The following POU2F2 variants were observed in gnomAD, a reference collection of about 807,000 sequenced individuals.
The protein encoded by POU2F2 is POU domain, class 2, transcription factor 2.
A neutral mutation model predicts 63.5 loss-of-function variants in POU2F2; 14 were observed. The ratio of observed to expected loss-of-function variants is 0.22; its 90% CI spans 0.15 to 0.34. The LOEUF (loss-of-function observed/expected upper bound fraction) is 0.34. Ranked by LOEUF, POU2F2 falls within the 10% of genes least tolerant of loss-of-function variation. The pLI is 1.00. For synonymous variants in POU2F2, 306 were observed against 348.6 expected (o/e 0.88, Z 1.36); for missense variants, 607 against 815.2 (o/e 0.74, Z 3.11).
chr19:42,190,293 G>GTA (rs1397177580), intron 1 of POU2F2, among the ~76,000 whole-genome samples: 1 of 151,778 alleles, frequency 6.6e-6, no homozygotes, highest in Non-Finnish European at 1.5e-5. Flanking sequence ...ATATATGTGT[G>GTA]TATATATATG....
At position 42,089,124 on chromosome 19, in the gene POU2F2, C is replaced by T. The variant is rs73932872; in HGVS notation, c.*2133G>A. On this transcript the variant is annotated 3_prime_UTR_variant, in exon 15 of 15. Transcript: ENST00000692977. ...GGGGCCACACTACGGCTGTCAGGCC[C>T]CACCCTGATTTCAATGGCTCGTGTC... 1 of 152,694 alleles carries T rather than the reference C, an allele frequency of 6.5e-6. No homozygotes were observed. The highest frequency in any genetic ancestry group is 1.9e-4 in the East Asian group (1 of 5,168). The allele number at this position is 152,694 out of a possible 1,614,324, so 9.5% of individuals were successfully genotyped here. A position where few individuals can be genotyped will look rare whatever the true frequency, so the allele number is the denominator to read the frequency against.
chr19:42,170,831 G>A (rs923162218), intron 1 of POU2F2, among the ~76,000 whole-genome samples: 50 of 152,232 alleles, frequency 3.3e-4, no homozygotes, highest in South Asian at 2.1e-4. Flanking sequence ...CCGCTGAGGC[G>A]AGAATGGCTG....
intron 5 of POU2F2, among the ~76,000 whole-genome samples, chr19:42,111,298 T>A (rs2031052955): frequency 6.6e-6 from 1 of 151,882 alleles, no homozygotes; most frequent in Admixed American, 6.6e-5. Context: ...TTTTTTTTTT[T>A]AAGATACAGG....
At chr19:42,182,974 G>C (rs1156539212) in intron 1 of POU2F2, among the ~76,000 whole-genome samples, 1 of 152,206 alleles carries the variant, frequency 6.6e-6, no homozygotes, top group Non-Finnish European at 1.5e-5. Context: ...GAAGGGCAGA[G>C]AAGTGAGGGC....
chr19:42,163,024 C>T (rs542979970), intron 1 of POU2F2, among the ~76,000 whole-genome samples: 4 of 152,122 alleles, frequency 2.6e-5, no homozygotes, highest in Admixed American at 6.5e-5. Context: ...AAAATGGAGG[C>T]TCAGACAGGT....
intron 1 of POU2F2, among the ~76,000 whole-genome samples, chr19:42,195,059 G>GAGGGAGGGAGGAAGGGAGGA (rs2035121468): frequency 7.8e-5 from 2 of 25,794 alleles, no homozygotes; most frequent in Admixed American, 3.5e-4. Flanking sequence ...GGAAGGGAGG[G>GAGGGAGGGAGGAAGGGAGGA]AGGGAGGGAG....
chr19:42,116,498 T>A (rs985422407), intron 5 of POU2F2, among the ~76,000 whole-genome samples: 19 of 152,050 alleles, frequency 1.2e-4, no homozygotes, highest in Non-Finnish European at 2.6e-4. Context: ...AGGATTATGA[T>A]GTGGGATATT....
chr19:42,196,962 A>G (rs2035156625), upstream of POU2F2, among the ~76,000 whole-genome samples: 1 of 152,208 alleles, frequency 6.6e-6, no homozygotes, highest in African/African-American at 2.4e-5. Context: ...GAACGGAAGC[A>G]GGGGCAGAGC....
chr19:42,137,340 A>AAAAT (rs899878788), upstream of POU2F2, among the ~76,000 whole-genome samples: 32 of 151,860 alleles, frequency 2.1e-4, no homozygotes, highest in Admixed American at 1.3e-3. Context: ...CTCAATCTCT[A>AAAAT]AAATAAATAA....
In POU2F2 at chr19:42,152,290, G is replaced by A. The variant is rs557669723; in HGVS notation, c.-9+8042C>T. On this transcript the variant is annotated intron_variant, in intron 2 of 6. Transcript: ENST00000524801. This position sits in a 1 kb window ranked among gnomAD's most constrained non-coding sequence, Gnocchi z 4.1. ...TGACTCTCGGGGAGAGGGCCGCAGC[G>A]AAGAAGAAGAGGGGGAGAATAAGGC... is the stretch of plus-strand genomic sequence containing the variant. Among the ~76,000 whole-genome samples, 9 of 152,180 alleles carry A rather than the reference G, an allele frequency of 5.9e-5. No individual in the cohort carries two copies. Among genetic ancestry groups the A allele is most frequent in the African/African-American group, 2.2e-4 (9 of 41,538 alleles).
chr19:42,196,890 T>C (rs865885607), upstream of POU2F2, among the ~76,000 whole-genome samples: 4 of 152,186 alleles, frequency 2.6e-5, no homozygotes, highest in African/African-American at 9.7e-5. Context: ...CAGAGGCACG[T>C]CTGGGGCTGA....
chr19:42,186,921 C>T (rs188151233), intron 1 of POU2F2, among the ~76,000 whole-genome samples: 1 of 152,210 alleles, frequency 6.6e-6, no homozygotes, highest in African/African-American at 2.4e-5. Flanking sequence ...CTTTCTTGAA[C>T]CTCTTATATC....
intron 13 of POU2F2, 56 bp from the exon 14 acceptor site, chr19:42,091,996 G>A: frequency 2.0e-6 from 3 of 1,537,912 alleles, no homozygotes; most frequent in Non-Finnish European, 1.8e-6. Flanking sequence ...AACATAACTG[G>A]GGTGCCGCTC....
chr19:42,145,000 C>G (rs558713295), intron 2 of POU2F2, among the ~76,000 whole-genome samples: 4 of 152,310 alleles, frequency 2.6e-5, no homozygotes, highest in Admixed American at 2.6e-4. Context: ...AGTTAAGTCC[C>G]AGCTGTGGGG....
chr19:42,091,484 G>A lies in POU2F2; in HGVS notation c.1648C>T (p.Pro550Ser). 1 of 1,550,152 alleles carries A rather than the reference G, an allele frequency of 6.5e-7. No individual in the cohort carries two copies. ...AGCCCAGCATGATTCAAGAAGAGCG[G>A]CGAGGTCACCAGGCCAGGGCTCCCC... ...APGSPGLVTS[P>S]LFLNHAGLPL... The change falls in exon 15 of 15, where the codon CCG becomes TCG. Residue 550 changes from proline (P) to serine (S), a missense_variant. By Grantham distance (74) the Pro-to-Ser change is moderately conservative. Transcript: ENST00000692977.
chr19:42,120,138 C>T (rs966017306), intron 4 of POU2F2, among the ~76,000 whole-genome samples: 6 of 151,458 alleles, frequency 4.0e-5, no homozygotes, highest in Admixed American at 6.6e-5. Flanking sequence ...CTTGAACTCC[C>T]GGGCTCAAGC....
At chr19:42,116,026 T>C (rs767743072) in intron 5 of POU2F2, among the ~76,000 whole-genome samples, 12 of 152,122 alleles carry the variant, frequency 7.9e-5, no homozygotes, top group Admixed American at 3.9e-4. Flanking sequence ...GAAGAGGCAA[T>C]GACAGATTCT....
At chr19:42,164,838 TAC>T (rs1474551950) in intron 1 of POU2F2, among the ~76,000 whole-genome samples, 1 of 151,600 alleles carries the variant, frequency 6.6e-6, no homozygotes, top group Non-Finnish European at 1.5e-5. Context: ...GGCGCATACC[TAC>T]AGTCTCAGCT....
At position 42,095,450 on chromosome 19, in the gene POU2F2, T is replaced by C; in HGVS notation, c.1033A>G (p.Thr345Ala). 1.2e-6 allele frequency: 2 copies of C among 1,612,932 alleles called. No homozygotes were observed. The highest frequency in any genetic ancestry group is 2.2e-5 in the East Asian group (1 of 44,854). The change falls in exon 11 of 15, where the codon ACC becomes GCC. Residue 345 changes from threonine (T) to alanine (A), a missense_variant. Thr to Ala is a moderately conservative substitution (Grantham distance 58). This residue lies in a region of POU2F2 where 36 missense variants were observed against 63.8 expected (regional missense o/e 0.56). Coordinates refer to ENST00000692977, the MANE Select transcript of POU2F2 (RefSeq NM_001394376.1). The surrounding 1 kb of genome is among the most constrained non-coding windows in gnomAD (Gnocchi z 7.1). ...EKSFLANQKPTSEEILLIAEQ... is the reference protein window; with the variant it reads ...EKSFLANQKPASEEILLIAEQ... Reference sequence around the variant, plus strand: ...GCGATCAGCAGGATCTCCTCTGAGGTAGGCTTCTGGTTCTGCAGGCAGAGG... The same window carrying C: ...GCGATCAGCAGGATCTCCTCTGAGGCAGGCTTCTGGTTCTGCAGGCAGAGG...
Sources: allele counts gnomAD v4.1 joint callset (sites outside exome capture counted in the v4.1 genomes callset), GRCh38; gene constraint gnomAD v4.1.1; regional missense constraint gnomAD v4.1.1; non-coding constraint Gnocchi (gnomAD v3.1); transcripts MANE v1.5; gene names NCBI Gene and HGNC (gene_info 2026-07-23, HGNC 2026-07-21).